Variants in DCAF1 observed in about 807,000 individuals in gnomAD.
DCAF1 encodes the protein DDB1- and CUL4-associated factor 1.
DCAF1 carries 15 observed loss-of-function variants against 128.0 expected under a neutral mutation model. The observed-to-expected ratio is 0.12, with a 90% CI of 0.08 to 0.18. The LOEUF (loss-of-function observed/expected upper bound fraction) is 0.18. DCAF1 is among the 10% of genes least tolerant of loss of function. The pLI, the probability that DCAF1 is intolerant of heterozygous loss-of-function variation, is 1.00. For missense variants in DCAF1, 988 were observed against 1,649.5 expected (o/e 0.60, Z 6.95); for synonymous variants, 610 against 603.0 (o/e 1.01, Z -0.17).
chr3:51,493,996 CAA>C (rs782802686), intron 2 of DCAF1, among the ~76,000 whole-genome samples: 7 of 74,182 alleles, frequency 9.4e-5, no homozygotes, highest in African/African-American at 1.0e-4. Flanking sequence ...GATTCCGTCT[CAA>C]AAAAAAAAAA....
chr3:51,400,974 T>C (rs2089644896), intron 24 of DCAF1, among the ~76,000 whole-genome samples: 1 of 151,584 alleles, frequency 6.6e-6, no homozygotes, highest in Non-Finnish European at 1.5e-5. Context: ...CTACTAAAAA[T>C]ACAAAAAATT....
upstream of DCAF1, among the ~76,000 whole-genome samples, chr3:51,503,785 T>G (rs1553664814): frequency 6.6e-6 from 1 of 152,156 alleles, no homozygotes; most frequent in Non-Finnish European, 1.5e-5. Flanking sequence ...GGGTGTGTAA[T>G]TATGTCTGAT....
At chr3:51,417,588 C>T (rs72499029) in intron 17 of DCAF1, among the ~76,000 whole-genome samples, 10,254 of 151,952 alleles carry the variant, frequency 0.067, 904 homozygotes, top group East Asian at 0.33. Context: ...GGTGTGGTGG[C>T]GGGCGCCTCT....
intron 13 of DCAF1, among the ~76,000 whole-genome samples, chr3:51,427,026 T>G (rs1699965671): frequency 6.6e-6 from 1 of 152,196 alleles, no homozygotes; most frequent in Non-Finnish European, 1.5e-5. Flanking sequence ...TGTCAAGTAG[T>G]AGCAAGACAC....
chr3:51,483,463 T>A (rs568091204), intron 3 of DCAF1, among the ~76,000 whole-genome samples: 2 of 151,468 alleles, frequency 1.3e-5, no homozygotes, highest in African/African-American at 4.9e-5. Context: ...TAAATTAAAT[T>A]AAATAAGAAA....
chr3:51,491,591 G>A (rs1707651045), intron 2 of DCAF1, among the ~76,000 whole-genome samples: 1 of 152,082 alleles, frequency 6.6e-6, no homozygotes, highest in South Asian at 2.1e-4. Flanking sequence ...GCTCATGCCT[G>A]TAATCCCTGC....
At chr3:51,397,610 GCCCTGA>G (rs2089290085), downstream of DCAF1, 1 of 167,124 alleles carries the variant, frequency 6.0e-6, no homozygotes, top group South Asian at 2.1e-4. Context: ...AGGGAACAAA[GCCCTGA>G]CCTCTCTCTC....
upstream of DCAF1, among the ~76,000 whole-genome samples, chr3:51,500,959 G>A (rs1420132472): frequency 6.6e-6 from 1 of 152,088 alleles, no homozygotes; most frequent in Admixed American, 6.6e-5. Context: ...GGGGCTACAG[G>A]TGTGCACCAC....
rs1708696371 is a variant in DCAF1 at position 51,499,995 on chromosome 3, C to T, written c.-178G>A. On this transcript the variant is annotated 5_prime_UTR_variant, in exon 1 of 25. Transcript: ENST00000684031. The stretch of plus-strand genomic sequence containing the variant: ...ACACACACACAGCGCGACCACGGCT[C>T]CACAGCGGCCCACATATTATGCGTC... 6.6e-6 allele frequency: 1 copy of T among 150,900 alleles called. No homozygotes were observed. Among genetic ancestry groups the T allele is most frequent in the Non-Finnish European group, 1.5e-5 (1 of 67,658 alleles). The allele number at this position is 150,900 out of a possible 1,614,324, so 9.3% of individuals were successfully genotyped here.
chr3:51,495,386 A>C (rs1269411758), intron 2 of DCAF1, among the ~76,000 whole-genome samples: 1 of 151,488 alleles, frequency 6.6e-6, no homozygotes, highest in African/African-American at 2.4e-5. Flanking sequence ...GGTGGCTCAC[A>C]CTTGTAATCC....
chr3:51,499,141 G>C (rs1478980554), intron 1 of DCAF1, among the ~76,000 whole-genome samples: 1 of 152,212 alleles, frequency 6.6e-6, no homozygotes, highest in Admixed American at 6.5e-5. Context: ...GAGGAAACCA[G>C]ACAGAAAACC....
At chr3:51,497,399 C>T (rs553401657) in intron 1 of DCAF1, among the ~76,000 whole-genome samples, 5 of 151,596 alleles carry the variant, frequency 3.3e-5, no homozygotes, top group Admixed American at 2.6e-4. Context: ...CCAGCCGGAC[C>T]AACATGGTGA....
rs782401464 is a variant in DCAF1, at chr3:51,471,026, G to A, written c.111-21C>T. The stretch of plus-strand genomic sequence containing the variant: ...ACATCCTAGCACAAAGGAAACAAGG[G>A]GTCAACTCTGGACAAGCATAAAAAA... On this transcript the variant is annotated intron_variant, in intron 3 of 24. Coordinates refer to ENST00000684031, the MANE Select transcript of DCAF1 (RefSeq NM_001387579.1). The A allele has an allele frequency of 5.2e-6, 8 of 1,547,032 alleles. No homozygotes were observed. In the East Asian group the frequency reaches 1.1e-4, roughly 22 times the overall value.
At chr3:51,441,241 T>G in intron 8 of DCAF1, 144 bp downstream of exon 8, 1 of 1,221,464 alleles carries the variant, frequency 8.2e-7, no homozygotes, top group Non-Finnish European at 1.1e-6. Context: ...AGGAATGACC[T>G]GCATAAGACT....
At chr3:51,412,280 C>T in intron 23 of DCAF1, 99 bp downstream of exon 23, 1 of 1,523,560 alleles carries the variant, frequency 6.6e-7, no homozygotes, top group South Asian at 1.2e-5. Flanking sequence ...CAACAGGTAG[C>T]AAAGGTTGAG....
intron 23 of DCAF1, among the ~76,000 whole-genome samples, chr3:51,411,098 T>C (rs782539001): frequency 2.7e-5 from 4 of 147,754 alleles, no homozygotes; most frequent in Non-Finnish European, 4.5e-5. Flanking sequence ...GAGGTGGAGG[T>C]TGCAGTGAGC....
At chr3:51,459,186 A>G (rs1307631167) in intron 6 of DCAF1, among the ~76,000 whole-genome samples, 1 of 152,198 alleles carries the variant, frequency 6.6e-6, no homozygotes. Context: ...GAAAAGACAG[A>G]AGGATCAAAT....
intron 23 of DCAF1, among the ~76,000 whole-genome samples, chr3:51,404,396 A>T (rs1416868931): frequency 1.3e-5 from 2 of 152,062 alleles, no homozygotes; most frequent in Non-Finnish European, 2.9e-5. Context: ...GCACAAAAAA[A>T]TTTTTTTTGT....
intron 6 of DCAF1, among the ~76,000 whole-genome samples, chr3:51,462,067 A>G (rs533866322): frequency 6.6e-6 from 1 of 152,010 alleles, no homozygotes; most frequent in African/African-American, 2.4e-5. Flanking sequence ...TATAATAATA[A>G]TAAAATTAAA....
Sources: allele counts gnomAD v4.1 joint callset (sites outside exome capture counted in the v4.1 genomes callset), GRCh38; gene constraint gnomAD v4.1.1; transcripts MANE v1.5; gene names NCBI Gene and HGNC (gene_info 2026-07-23, HGNC 2026-07-21).